The following PRKCB variants were observed in gnomAD, a reference collection of about 807,000 sequenced individuals.
The protein encoded by PRKCB is protein kinase C beta type.
In PRKCB, 13 loss-of-function variants were observed where a neutral mutation model predicts 81.5. That is an observed-to-expected ratio of 0.16 (90% CI 0.10 to 0.25). PRKCB has a LOEUF of 0.25. Ranked by LOEUF, PRKCB falls within the 10% of genes least tolerant of loss-of-function variation. The probability of loss-of-function intolerance (pLI) is 1.00; values close to 1 mark genes in which losing one functional copy is unlikely to be tolerated. For missense variants in PRKCB, 509 were observed against 875.7 expected (o/e 0.58, Z 5.29); for synonymous variants, 335 against 321.4 (o/e 1.04, Z -0.45).
At position 24,145,703 on chromosome 16, in the gene PRKCB, C is replaced by T. The variant is rs1966978498; in HGVS notation, c.1066-8981C>T. On this transcript the variant is annotated intron_variant, in intron 9 of 16. Coordinates refer to ENST00000643927, the MANE Select transcript of PRKCB (RefSeq NM_002738.7). ...GGGAAGCAAGATCTTGGGTCCCTGG[C>T]TGTCTCTGCCCTTGCACACTAGTGT... 1.3e-5 allele frequency among the ~76,000 whole-genome samples: 2 copies of T among 152,194 alleles called. 1 individual carries two copies. Among genetic ancestry groups the T allele is most frequent in the Non-Finnish European group, 2.9e-5 (2 of 68,048 alleles).
intron 9 of PRKCB, among the ~76,000 whole-genome samples, chr16:24,142,716 C>G (rs994358064): frequency 2.6e-5 from 4 of 152,156 alleles, no homozygotes; most frequent in African/African-American, 9.7e-5. Flanking sequence ...GGAAGGAGAT[C>G]ATATTTGCCT....
chr16:23,925,641 T>G (rs1963887010), intron 2 of PRKCB, among the ~76,000 whole-genome samples: 1 of 152,096 alleles, frequency 6.6e-6, no homozygotes, highest in East Asian at 1.9e-4. Flanking sequence ...AAGTTTTTAC[T>G]TGTATAAATT....
At chr16:24,213,042 T>G (rs1388192585) in intron 16 of PRKCB, among the ~76,000 whole-genome samples, 4 of 146,120 alleles carry the variant, frequency 2.7e-5, no homozygotes, top group Non-Finnish European at 6.1e-5. Flanking sequence ...ATTTATTTAT[T>G]TATTTATTTT....
At chr16:24,011,765 A>G (rs1263731026) in intron 3 of PRKCB, among the ~76,000 whole-genome samples, 1 of 152,150 alleles carries the variant, frequency 6.6e-6, no homozygotes, top group Non-Finnish European at 1.5e-5. Flanking sequence ...GATTACAGGC[A>G]TGAACCATTG....
chr16:24,068,474 A>G (rs553996202), intron 5 of PRKCB, among the ~76,000 whole-genome samples: 3 of 143,788 alleles, frequency 2.1e-5, no homozygotes, highest in South Asian at 2.1e-4. Context: ...TTATGGCCCA[A>G]AGGAAAAAAA....
intron 2 of PRKCB, among the ~76,000 whole-genome samples, chr16:23,948,353 T>C (rs1014940607): frequency 1.3e-5 from 2 of 152,196 alleles, no homozygotes; most frequent in African/African-American, 4.8e-5. Context: ...TCCATGTTTA[T>C]AAATAAGAAT....
chr16:24,184,128 G>T (rs1470910753), intron 13 of PRKCB, among the ~76,000 whole-genome samples: 3 of 152,146 alleles, frequency 2.0e-5, no homozygotes, highest in Admixed American at 6.6e-5. Flanking sequence ...GATAAAAATT[G>T]ATTATGTTCA....
chr16:24,129,699 C>T (rs1365316554), intron 9 of PRKCB, among the ~76,000 whole-genome samples: 1 of 139,350 alleles, frequency 7.2e-6, no homozygotes, highest in Admixed American at 7.2e-5. Flanking sequence ...TATCTATCAT[C>T]TGTCTACGTA....
chr16:23,927,671 A>G (rs1963915070), intron 2 of PRKCB, among the ~76,000 whole-genome samples: 1 of 151,960 alleles, frequency 6.6e-6, no homozygotes, highest in African/African-American at 2.4e-5. Context: ...GGAAGATTCA[A>G]GAGATATTTA....
intron 15 of PRKCB, among the ~76,000 whole-genome samples, chr16:24,186,676 G>A (rs2141976788): frequency 6.6e-6 from 1 of 152,312 alleles, no homozygotes; most frequent in African/African-American, 2.4e-5. Context: ...TGGATGCACT[G>A]TCTTGGGTGA....
At chr16:23,943,526 C>G (rs575998231) in intron 2 of PRKCB, among the ~76,000 whole-genome samples, 11 of 152,128 alleles carry the variant, frequency 7.2e-5, no homozygotes, top group African/African-American at 2.4e-4. Flanking sequence ...GAGACTCTCT[C>G]TCTCTCTCTT....
chr16:24,106,042 ACT>A (rs1966572751), intron 7 of PRKCB, among the ~76,000 whole-genome samples: 1 of 150,744 alleles, frequency 6.6e-6, no homozygotes, highest in African/African-American at 2.4e-5. Context: ...GTGTTATATT[ACT>A]TTTTTTTAAA....
chr16:24,094,998 A>G (rs1222177884), intron 7 of PRKCB, among the ~76,000 whole-genome samples: 3 of 152,208 alleles, frequency 2.0e-5, no homozygotes, highest in African/African-American at 7.2e-5. Flanking sequence ...ATCTGGGGCT[A>G]GAAGGCAACA....
chr16:24,049,846 G>A (rs1034277338), intron 5 of PRKCB, among the ~76,000 whole-genome samples: 11 of 152,190 alleles, frequency 7.2e-5, no homozygotes, highest in South Asian at 2.1e-4. Context: ...CTTAGCCCAC[G>A]CCTGTGTATC....
intron 2 of PRKCB, among the ~76,000 whole-genome samples, chr16:23,965,594 G>A (rs189213782): frequency 4.6e-5 from 7 of 152,268 alleles, no homozygotes; most frequent in Non-Finnish European, 7.4e-5. Flanking sequence ...AAATTAGATC[G>A]GCCGCATTGT....
intron 12 of PRKCB, among the ~76,000 whole-genome samples, chr16:24,179,540 A>T (rs995352552): frequency 9.2e-5 from 14 of 152,206 alleles, no homozygotes; most frequent in Admixed American, 5.9e-4. Context: ...TTGACATTGG[A>T]GTAGGTGTTT....
chr16:24,152,216 T>C (rs1410692599), intron 9 of PRKCB, among the ~76,000 whole-genome samples: 1 of 152,238 alleles, frequency 6.6e-6, no homozygotes, highest in East Asian at 1.9e-4. Flanking sequence ...ACGTCTTACA[T>C]GGTAGCAGTC....
intron 7 of PRKCB, chr16:24,099,454 C>T (rs1050785619): frequency 4.6e-5 from 7 of 152,146 alleles, no homozygotes; most frequent in Non-Finnish European, 7.3e-5. Flanking sequence ...ACCCAAGAAG[C>T]TTTGAATAAG....
chr16:23,961,944 A>G (rs1964431315), intron 2 of PRKCB, among the ~76,000 whole-genome samples: 2 of 152,214 alleles, frequency 1.3e-5, no homozygotes, highest in Non-Finnish European at 2.9e-5. Context: ...GCCCTACTCC[A>G]TAAGGACTGA....
Sources: allele counts gnomAD v4.1 joint callset (sites outside exome capture counted in the v4.1 genomes callset), GRCh38; gene constraint gnomAD v4.1.1; transcripts MANE v1.5; gene names NCBI Gene and HGNC (gene_info 2026-07-23, HGNC 2026-07-21).